The following SH3PXD2A variants were observed in gnomAD, a reference collection of about 807,000 sequenced individuals.
SH3PXD2A encodes the protein SH3 and PX domains 2A.
In SH3PXD2A, 32 loss-of-function variants were observed where a neutral mutation model predicts 115.2. The observed-to-expected ratio is 0.28, with a 90% CI of 0.21 to 0.37. The LOEUF (loss-of-function observed/expected upper bound fraction) is 0.37. Ranked by LOEUF, SH3PXD2A falls within the 10% of genes least tolerant of loss-of-function variation. The probability of loss-of-function intolerance (pLI) is 1.00; values close to 1 mark genes in which losing one functional copy is unlikely to be tolerated. For synonymous variants in SH3PXD2A, 610 were observed against 629.1 expected, an observed-to-expected ratio of 0.97 and a Z score of 0.45; for missense variants, 1,328 against 1,498.7, an observed-to-expected ratio of 0.89 and a Z score of 1.88.
At chr10:103,632,224 C>T (rs2036791102) in intron 8 of SH3PXD2A, among the ~76,000 whole-genome samples, 1 of 152,152 alleles carries the variant, frequency 6.6e-6, no homozygotes, top group Non-Finnish European at 1.5e-5. Context: ...TTCCTCTCTA[C>T]CACTGCACTC....
At chr10:103,805,373 C>T (rs754227137) in intron 1 of SH3PXD2A, among the ~76,000 whole-genome samples, 1 of 152,208 alleles carries the variant, frequency 6.6e-6, no homozygotes, top group Non-Finnish European at 1.5e-5. Context: ...GACCCCAGCC[C>T]AGCCGCTCAG....
chr10:103,654,631 G>A lies in SH3PXD2A; in HGVS notation c.604+6352C>T, dbSNP rs570368623. 4.6e-5 allele frequency among the ~76,000 whole-genome samples: 7 copies of A among 152,194 alleles called. No individual in the cohort carries two copies. The East Asian group carries it at 9.7e-4, about 21-fold the overall frequency. On this transcript the variant is annotated intron_variant, in intron 8 of 14. Transcript: ENST00000369774. ...AGGGCCTCACTATGCTGCCCAGGCT[G>A]GACTTGAACTCCTGGCCTCAAGTTA...
intron 3 of SH3PXD2A, among the ~76,000 whole-genome samples, chr10:103,744,956 C>A (rs1409499248): frequency 3.3e-5 from 5 of 152,264 alleles, no homozygotes; most frequent in Admixed American, 6.5e-5. Context: ...CCTTCATTCT[C>A]AGTCCATGGG....
chr10:103,822,373 C>G (rs1589470895), intron 1 of SH3PXD2A, among the ~76,000 whole-genome samples: 1 of 152,262 alleles, frequency 6.6e-6, no homozygotes. Context: ...GATGTAACCC[C>G]TAGCTGTCCA....
rs1179508415 is a variant in SH3PXD2A, at chr10:103,627,359, C to T, written c.605-157G>A. Among the ~76,000 whole-genome samples the T allele has an allele frequency of 1.3e-5, 2 of 152,224 alleles. No homozygotes were observed. Among genetic ancestry groups the T allele is most frequent in the East Asian group, 1.9e-4 (1 of 5,204 alleles). On this transcript the variant is annotated intron_variant, in intron 8 of 14. Transcript: ENST00000369774. This position sits in a 1 kb window ranked among gnomAD's most constrained non-coding sequence, Gnocchi z 4.4. ...CAAATGCCTGGCCCAGCTCCAGCCTCGAGGAGCCTGCGTCTGTTCTAAGGC... is the reference window on the plus strand; with the variant it reads ...CAAATGCCTGGCCCAGCTCCAGCCTTGAGGAGCCTGCGTCTGTTCTAAGGC...
intron 11 of SH3PXD2A, among the ~76,000 whole-genome samples, chr10:103,614,916 T>C (rs1477634995): frequency 2.0e-5 from 3 of 152,178 alleles, no homozygotes; most frequent in African/African-American, 7.2e-5. Flanking sequence ...CACAGAAACA[T>C]GCAGGCAGGC....
At chr10:103,739,076 T>C (rs1023718425) in intron 3 of SH3PXD2A, among the ~76,000 whole-genome samples, 8 of 152,204 alleles carry the variant, frequency 5.3e-5, no homozygotes, top group African/African-American at 1.9e-4. Context: ...GAACTCATTT[T>C]AAAAACTAGT....
At chr10:103,653,939 G>A (rs568216953) in intron 8 of SH3PXD2A, among the ~76,000 whole-genome samples, 108 of 150,066 alleles carry the variant, frequency 7.2e-4, no homozygotes, top group African/African-American at 2.4e-3. Context: ...CCCAGCTCCC[G>A]CTTTTCTTCT....
chr10:103,696,838 A>C (rs993459502), intron 5 of SH3PXD2A, among the ~76,000 whole-genome samples: 1 of 152,208 alleles, frequency 6.6e-6, no homozygotes, highest in Non-Finnish European at 1.5e-5. Flanking sequence ...ACAGTGACCC[A>C]CAGTCCCAGG....
intron 8 of SH3PXD2A, among the ~76,000 whole-genome samples, chr10:103,657,589 G>A (rs966543970): frequency 1.3e-5 from 2 of 152,200 alleles, no homozygotes; most frequent in Non-Finnish European, 2.9e-5. Flanking sequence ...GAGAAAAAGA[G>A]TCCTCTTCTG....
At chr10:103,608,177 A>C (rs1564842946) in intron 13 of SH3PXD2A, among the ~76,000 whole-genome samples, 1 of 148,012 alleles carries the variant, frequency 6.8e-6, no homozygotes, top group African/African-American at 2.5e-5. Context: ...AAAAGAACAC[A>C]GGACAGAGGC....
intron 6 of SH3PXD2A, among the ~76,000 whole-genome samples, chr10:103,682,534 G>A (rs1457224314): frequency 2.0e-5 from 3 of 152,164 alleles, no homozygotes; most frequent in East Asian, 1.9e-4. Context: ...GAAGAGGGTG[G>A]ATCACAAGGT....
At position 103,602,484 on chromosome 10, in the gene SH3PXD2A, C is replaced by G; in HGVS notation, c.2734G>C (p.Val912Leu). 1.2e-6 allele frequency: 2 copies of G among 1,614,176 alleles called. No homozygotes were observed. Among genetic ancestry groups the G allele is most frequent in the Non-Finnish European group, 1.7e-6 (2 of 1,180,016 alleles). ...PDPSGKELDTVPAKGRQNEGK... is the reference protein window; with the variant it reads ...PDPSGKELDTLPAKGRQNEGK... ...TCGTTCTGCCTGCCCTTGGCGGGCACTGTGTCCAGCTCTTTGCCAGAGGGG... is the reference window on the plus strand; with the variant it reads ...TCGTTCTGCCTGCCCTTGGCGGGCAGTGTGTCCAGCTCTTTGCCAGAGGGG... The change falls in exon 15 of 15, where the codon GTG becomes CTG. Residue 912 changes from valine to leucine, a missense_variant. Val to Leu is a conservative substitution (Grantham distance 32). Around this residue, in one of 5 missense-constraint regions of SH3PXD2A, gnomAD observed 574 missense variants for 565.7 expected, o/e 1.01. Coordinates refer to ENST00000369774, the MANE Select transcript of SH3PXD2A (RefSeq NM_001394015.1).
chr10:103,603,025 A>C lies in SH3PXD2A; in HGVS notation c.2193T>G (p.Thr731=). The C allele has an allele frequency of 1.9e-6, 3 of 1,614,036 alleles. No homozygotes were observed. Among genetic ancestry groups the C allele is most frequent in the Non-Finnish European group, 2.5e-6 (3 of 1,180,034 alleles). Residue 731 remains threonine, a synonymous_variant, in exon 15 of 15, where the codon ACT becomes ACG. Coordinates refer to ENST00000369774, the MANE Select transcript of SH3PXD2A (RefSeq NM_001394015.1). ...CATCCTTCTTTGCCCTGACCTTGGG[A>C]GTGCCGCGGATGCCTGCGTCCGAAG... The part of the protein sequence containing the change: ...RSASDAGIRG[T]PKVRAKKDAD...
chr10:103,688,913 C>T (rs965403747), intron 6 of SH3PXD2A, among the ~76,000 whole-genome samples: 4 of 152,156 alleles, frequency 2.6e-5, no homozygotes, highest in African/African-American at 9.7e-5. Flanking sequence ...GTTGCCCAGG[C>T]TGTAGTGCAG....
intron 3 of SH3PXD2A, among the ~76,000 whole-genome samples, chr10:103,757,005 G>A (rs1361052207): frequency 6.6e-6 from 1 of 152,142 alleles, no homozygotes; most frequent in Admixed American, 6.5e-5. Flanking sequence ...TATCAACCCT[G>A]GTCTCAGTAA....
intron 5 of SH3PXD2A, among the ~76,000 whole-genome samples, chr10:103,716,322 GC>G (rs1204125103): frequency 2.0e-5 from 3 of 152,110 alleles, no homozygotes; most frequent in Non-Finnish European, 2.9e-5. Context: ...AGTGTTGGGG[GC>G]CCCTGATGGG....
chr10:103,613,124 G>C lies in SH3PXD2A; in HGVS notation c.987C>G (p.Thr329=), dbSNP rs2036453866. 1 of 1,613,844 alleles carries C rather than the reference G, an allele frequency of 6.2e-7. No homozygotes were observed. Among genetic ancestry groups the C allele is most frequent in the Non-Finnish European group, 8.5e-7 (1 of 1,179,900 alleles). The change falls in exon 12 of 15, where the codon ACC becomes ACG. Residue 329 remains threonine (T), a synonymous_variant. Coordinates refer to ENST00000369774, the MANE Select transcript of SH3PXD2A (RefSeq NM_001394015.1). ...YLKKAKDDLP[T]RKKNLAGPVE... ...CTGGGCCGGCCAGGTTCTTCTTCCG[G>C]GTTGGCAGGTCATCCTTGGCCTTCT... is the stretch of plus-strand genomic sequence containing the variant.
At chr10:103,765,927 A>G (rs2038749779) in intron 3 of SH3PXD2A, among the ~76,000 whole-genome samples, 2 of 152,222 alleles carry the variant, frequency 1.3e-5, no homozygotes, top group Non-Finnish European at 2.9e-5. Flanking sequence ...GAGAGTCCCT[A>G]CACCCTCACT....
Sources: gnomAD v4.1 joint callset for allele counts (sites outside exome capture counted in the v4.1 genomes callset) on GRCh38, gnomAD v4.1.1 for gene constraint, gnomAD v4.1.1 regional missense constraint, Gnocchi (gnomAD v3.1) non-coding constraint, MANE v1.5 for transcripts, NCBI Gene and HGNC (gene_info 2026-07-23, HGNC 2026-07-21) for gene names.